Variants in FHOD3 observed in about 807,000 individuals in gnomAD.
FHOD3 encodes the protein FH1/FH2 domain-containing protein 3.
Under a neutral mutation model 173.0 loss-of-function variants are expected in FHOD3, and 90 were observed. That is an observed-to-expected ratio of 0.52 (90% CI 0.44 to 0.62). FHOD3 has a LOEUF of 0.62. Among genes scored for constraint, FHOD3 ranks in the 20% least tolerant of loss-of-function variants. The probability of loss-of-function intolerance (pLI) is 0.00; values close to 1 mark genes in which losing one functional copy is unlikely to be tolerated. For synonymous variants in FHOD3, 828 were observed against 823.0 expected (o/e 1.01, Z -0.10); for missense variants, 1,945 against 2,034.7 (o/e 0.96, Z 0.85).
intron 6 of FHOD3, among the ~76,000 whole-genome samples, chr18:36,579,310 A>C (rs2058764184): frequency 6.6e-6 from 1 of 152,220 alleles, no homozygotes; most frequent in South Asian, 2.1e-4. Flanking sequence ...GGCCATGATA[A>C]AACACCAACA....
intron 1 of FHOD3, among the ~76,000 whole-genome samples, chr18:36,320,667 A>G (rs1284061822): frequency 6.6e-6 from 1 of 152,224 alleles, no homozygotes; most frequent in Non-Finnish European, 1.5e-5. Context: ...AAAGCCTGGC[A>G]GGGGCTTCAC....
intron 3 of FHOD3, among the ~76,000 whole-genome samples, chr18:36,491,535 C>T (rs958090936): frequency 1.3e-5 from 2 of 152,166 alleles, no homozygotes; most frequent in Non-Finnish European, 2.9e-5. Flanking sequence ...AAGAGTTTCA[C>T]TGCCCGAACA....
At chr18:36,593,376 G>A (rs1173201866) in intron 6 of FHOD3, among the ~76,000 whole-genome samples, 2 of 152,134 alleles carry the variant, frequency 1.3e-5, no homozygotes, top group Non-Finnish European at 2.9e-5. Context: ...AGAGAGATGT[G>A]GAATTGAGGA....
At chr18:36,709,529 G>A (rs2040055994) in intron 18 of FHOD3, 138 bp downstream of exon 18, 5 of 960,124 alleles carry the variant, frequency 5.2e-6, no homozygotes, top group Non-Finnish European at 7.6e-6. Flanking sequence ...GTCACCCAGT[G>A]TCTGGGGACA....
intron 3 of FHOD3, among the ~76,000 whole-genome samples, chr18:36,376,766 T>C (rs72886014): frequency 0.054 from 8,219 of 152,312 alleles, 366 homozygotes; most frequent in South Asian, 0.18. Context: ...AAGGCATTTT[T>C]CTCTTGCAGG....
intron 3 of FHOD3, among the ~76,000 whole-genome samples, chr18:36,448,270 T>C (rs1208144881): frequency 6.6e-6 from 1 of 152,230 alleles, no homozygotes; most frequent in Non-Finnish European, 1.5e-5. Flanking sequence ...GAGTCCACTC[T>C]GTATTTTCTG....
At chr18:36,525,671 G>C (rs773686181) in intron 5 of FHOD3, among the ~76,000 whole-genome samples, 12 of 152,208 alleles carry the variant, frequency 7.9e-5, no homozygotes, top group Non-Finnish European at 1.5e-4. Flanking sequence ...AAGATATCAT[G>C]AGGGCAGCAA....
intron 17 of FHOD3, among the ~76,000 whole-genome samples, chr18:36,700,700 T>C (rs1328295012): frequency 6.6e-6 from 1 of 152,184 alleles, no homozygotes; most frequent in Admixed American, 6.5e-5. Flanking sequence ...TTTCTTAAAA[T>C]TATCGGGTGG....
At chr18:36,408,843 A>ACT (rs1352909106) in intron 3 of FHOD3, among the ~76,000 whole-genome samples, 2 of 152,052 alleles carry the variant, frequency 1.3e-5, no homozygotes, top group African/African-American at 2.4e-5. Flanking sequence ...GGGCCGCATG[A>ACT]CTCTACCATG....
At chr18:36,442,004 T>G (rs1441749735) in intron 3 of FHOD3, among the ~76,000 whole-genome samples, 1 of 152,262 alleles carries the variant, frequency 6.6e-6, no homozygotes. Context: ...AATAAATTAC[T>G]GATTACAGAC....
chr18:36,437,159 C>T (rs764239228), intron 3 of FHOD3, among the ~76,000 whole-genome samples: 1 of 152,092 alleles, frequency 6.6e-6, no homozygotes, highest in South Asian at 2.1e-4. Context: ...CACTCTGTCA[C>T]CAGGCTGGAG....
intron 3 of FHOD3, among the ~76,000 whole-genome samples, chr18:36,410,678 C>T (rs190600534): frequency 1.7e-4 from 26 of 152,178 alleles, no homozygotes; most frequent in East Asian, 5.8e-4. Context: ...TTGTCTGTCT[C>T]GTTGATTATA....
chr18:36,432,263 C>T (rs2050588025), intron 3 of FHOD3, among the ~76,000 whole-genome samples: 1 of 152,114 alleles, frequency 6.6e-6, no homozygotes, highest in Non-Finnish European at 1.5e-5. Context: ...CCACAGAATG[C>T]CAGCTGGATG....
At chr18:36,306,208 G>A (rs1355739116) in intron 1 of FHOD3, among the ~76,000 whole-genome samples, 1 of 152,226 alleles carries the variant, frequency 6.6e-6, no homozygotes, top group East Asian at 1.9e-4. Context: ...CAACAGAGAG[G>A]ACATTTGCAG....
intron 1 of FHOD3, among the ~76,000 whole-genome samples, chr18:36,353,911 CT>C (rs2046245790): frequency 7.0e-6 from 1 of 143,690 alleles, no homozygotes; most frequent in Non-Finnish European, 1.5e-5. Flanking sequence ...TGGGGCTCTG[CT>C]TTTTTCTAGG....
chr18:36,578,959 T>A (rs2058753997), intron 6 of FHOD3, among the ~76,000 whole-genome samples: 1 of 152,030 alleles, frequency 6.6e-6, no homozygotes, highest in African/African-American at 2.4e-5. Context: ...TAAAAAAAAA[T>A]GTTTGGCTTT....
chr18:36,461,784 G>C (rs1022951723), intron 3 of FHOD3, among the ~76,000 whole-genome samples: 3 of 152,110 alleles, frequency 2.0e-5, no homozygotes, highest in Non-Finnish European at 4.4e-5. Flanking sequence ...CTGCCTGTCT[G>C]TTGGGTAAGA....
chr18:36,727,426 T>C, intron 19 of FHOD3, among the ~76,000 whole-genome samples: 1 of 152,200 alleles, frequency 6.6e-6, no homozygotes, highest in East Asian at 1.9e-4. Context: ...GAGTGTTTAG[T>C]AGCATCTGGT....
chr18:36,668,763 T>G (rs1216591875), intron 14 of FHOD3, among the ~76,000 whole-genome samples: 1 of 152,076 alleles, frequency 6.6e-6, no homozygotes, highest in East Asian at 1.9e-4. Context: ...AAAGTATTTA[T>G]TTAGCTTATA....
Sources: allele counts gnomAD v4.1 joint callset (sites outside exome capture counted in the v4.1 genomes callset), GRCh38; gene constraint gnomAD v4.1.1; transcripts MANE v1.5; gene names NCBI Gene and HGNC (gene_info 2026-07-23, HGNC 2026-07-21).